Variants in TLCD3B observed in about 807,000 individuals in gnomAD.
TLCD3B encodes TLC domain containing 3B, also known as ceramide synthase.
In TLCD3B, 9 loss-of-function variants were observed where a neutral mutation model predicts 23.0. That is an observed-to-expected ratio of 0.39 (90% CI 0.24 to 0.68). The LOEUF is 0.68. TLCD3B is among the 30% of genes least tolerant of loss of function. The pLI is 0.44. For synonymous variants in TLCD3B, 161 were observed against 161.0 expected, an observed-to-expected ratio of 1.00 and a Z score of 0.00; for missense variants, 307 against 371.8, an observed-to-expected ratio of 0.83 and a Z score of 1.43.
intron 3 of TLCD3B, among the ~76,000 whole-genome samples, 181 bp downstream of exon 3, chr16:30,026,428 C>A (rs1480526320): frequency 2.0e-5 from 3 of 152,148 alleles, no homozygotes; most frequent in Non-Finnish European, 4.4e-5. Flanking sequence ...GCTGCCCCCA[C>A]ACCCTGGTGC....
In TLCD3B at chr16:30,029,923, CT is replaced by C; in HGVS notation, c.126-409del. 1 of 856,476 alleles carries C rather than the reference CT, an allele frequency of 1.2e-6. No individual in the cohort carries two copies. The highest frequency in any genetic ancestry group is 2.4e-5 in the Admixed American group (1 of 42,474). The allele number at this position is 856,476 out of a possible 1,614,324, so 53.1% of individuals were successfully genotyped here. The stretch of plus-strand genomic sequence containing the variant: ...CATGACGCAGGCCTCACTCTGGACC[CT>C]TTGTGACCCCGAGTTCCCCAGTCAC... On this transcript the variant is annotated intron_variant, in intron 1 of 4. Coordinates refer to ENST00000380495, the MANE Select transcript of TLCD3B (RefSeq NM_031478.6). The surrounding 1 kb of genome is among the most constrained non-coding windows in gnomAD (Gnocchi z 4.6).
upstream of TLCD3B, among the ~76,000 whole-genome samples, chr16:30,034,396 G>A (rs1399601410): frequency 2.4e-5 from 3 of 125,628 alleles, no homozygotes; most frequent in African/African-American, 9.7e-5. Context: ...AACATAGTGA[G>A]ACCCTGTCTC....
At position 30,025,065 on chromosome 16, in the gene TLCD3B, C is replaced by T. The variant is rs1596727669; in HGVS notation, c.*118G>A. The T allele has an allele frequency of 1.5e-6, 1 of 666,846 alleles. No homozygotes were observed. Among genetic ancestry groups the T allele is most frequent in the South Asian group, 2.3e-5 (1 of 43,952 alleles). 41.3% of individuals were successfully genotyped at this position (666,846 alleles called of 1,614,324 possible). On this transcript the variant is annotated 3_prime_UTR_variant, in exon 5 of 5. Coordinates refer to ENST00000380495, the MANE Select transcript of TLCD3B (RefSeq NM_031478.6). This position sits in a 1 kb window ranked among gnomAD's most constrained non-coding sequence, Gnocchi z 4.1. ...GGGGCCTCTTCCCTTTCGGGGTCAT[C>T]GTCAGTCCTGGGGTTGTCCGGGCAA...
upstream of TLCD3B, among the ~76,000 whole-genome samples, chr16:30,031,661 A>G (rs2071363530): frequency 6.6e-6 from 1 of 152,018 alleles, no homozygotes; most frequent in African/African-American, 2.4e-5. Context: ...AAAACATCTC[A>G]ACACAGCATC....
exon 3 of TLCD3B, chr16:30,041,049 A>T (rs1263092354): frequency 6.6e-6 from 1 of 152,140 alleles, no homozygotes; most frequent in Non-Finnish European, 1.5e-5. Flanking sequence ...AGCTGGTTAG[A>T]GTCAGGCCCG....
chr16:30,045,598 G>A (rs1281523128), intron 2 of TLCD3B, among the ~76,000 whole-genome samples: 2 of 137,606 alleles, frequency 1.5e-5, no homozygotes, highest in African/African-American at 2.7e-5. Flanking sequence ...GGTGAGTGGT[G>A]TGTGTGTTTG....
intron 2 of TLCD3B, among the ~76,000 whole-genome samples, chr16:30,042,862 G>A (rs2150995131): frequency 6.6e-6 from 1 of 152,172 alleles, no homozygotes; most frequent in Non-Finnish European, 1.5e-5. Flanking sequence ...GCTTTGGGAG[G>A]CCGAGGTGGG....
chr16:30,038,560 A>G (rs201307931), intron 3 of TLCD3B, among the ~76,000 whole-genome samples: 1 of 151,912 alleles, frequency 6.6e-6, no homozygotes, highest in Non-Finnish European at 1.5e-5. Context: ...GACCAGCCTG[A>G]CCAACATGGT....
At chr16:30,042,325 C>T (rs1004841623) in intron 2 of TLCD3B, among the ~76,000 whole-genome samples, 1 of 151,876 alleles carries the variant, frequency 6.6e-6, no homozygotes, top group Non-Finnish European at 1.5e-5. Flanking sequence ...TGCAATCTGC[C>T]CCCGCTGGGT....
chr16:30,040,360 TA>T (rs540362895), intron 3 of TLCD3B, among the ~76,000 whole-genome samples: 127 of 152,118 alleles, frequency 8.3e-4, no homozygotes, highest in African/African-American at 2.7e-3. Flanking sequence ...TGAAATACTT[TA>T]TATACATGTT....
chr16:30,039,415 G>T (rs956740035), intron 3 of TLCD3B, among the ~76,000 whole-genome samples: 1 of 151,790 alleles, frequency 6.6e-6, no homozygotes, highest in Non-Finnish European at 1.5e-5. Context: ...GAGCCACTGC[G>T]CCCGGCTTCT....
chr16:30,048,089 T>A (rs751949101), intron 1 of TLCD3B, among the ~76,000 whole-genome samples: 2 of 149,290 alleles, frequency 1.3e-5, no homozygotes, highest in Admixed American at 1.3e-4. Context: ...TTGCAGTGAG[T>A]CAAGATCGCA....
intron 3 of TLCD3B, among the ~76,000 whole-genome samples, chr16:30,040,147 A>AAAAAAAAATAT: frequency 2.1e-4 from 20 of 95,906 alleles, no homozygotes; most frequent in African/African-American, 6.9e-4. Context: ...AAAAAAAAAA[A>AAAAAAAAATAT]ATATATATAT....
At chr16:30,036,172 G>A (rs1425242493), upstream of TLCD3B, 1 of 1,288,642 alleles carries the variant, frequency 7.8e-7, no homozygotes, top group South Asian at 1.2e-5. Context: ...GGACAGGTTG[G>A]AAGACAGAAA....
At chr16:30,051,155 G>A (rs1358431830) in intron 1 of TLCD3B, among the ~76,000 whole-genome samples, 5 of 152,074 alleles carry the variant, frequency 3.3e-5, no homozygotes. Context: ...CAGCAACCTG[G>A]GAGGCCGAGG....
Position 30,030,775 on chromosome 16 carries a change from G to A in TLCD3B, c.-248C>T. ...GATGGGAGAAGGGGAGCAGGAGCAG[G>A]CCAGCGAGGGATGGGGAGAGGCAAA... On this transcript the variant is annotated 5_prime_UTR_variant, in exon 1 of 5. Coordinates refer to ENST00000380495, the MANE Select transcript of TLCD3B (RefSeq NM_031478.6). 1 of 1,223,204 alleles carries A rather than the reference G, an allele frequency of 8.2e-7. No homozygotes were observed. Among genetic ancestry groups the A allele is most frequent in the Non-Finnish European group, 1.0e-6 (1 of 980,344 alleles). 75.8% of individuals were successfully genotyped at this position (1,223,204 alleles called of 1,614,324 possible).
At chr16:30,036,106 C>T (rs2071467782), upstream of TLCD3B, 3 of 1,241,528 alleles carry the variant, frequency 2.4e-6, no homozygotes, top group Non-Finnish European at 3.1e-6. Flanking sequence ...TCTGCATGCC[C>T]CGCCCGCCGC....
chr16:30,041,962 C>T (rs931956268), intron 2 of TLCD3B, among the ~76,000 whole-genome samples: 1 of 152,096 alleles, frequency 6.6e-6, no homozygotes, highest in Non-Finnish European at 1.5e-5. Context: ...ACAAGCCAAG[C>T]GGGAAAAATC....
chr16:30,044,891 G>C (rs2071635584), intron 2 of TLCD3B, among the ~76,000 whole-genome samples: 1 of 151,722 alleles, frequency 6.6e-6, no homozygotes, highest in Non-Finnish European at 1.5e-5. Context: ...AAGGGTTCGA[G>C]ACCAGCCCCT....
Sources: allele counts gnomAD v4.1 joint callset (sites outside exome capture counted in the v4.1 genomes callset), GRCh38; gene constraint gnomAD v4.1.1; non-coding constraint Gnocchi (gnomAD v3.1); transcripts MANE v1.5; gene names NCBI Gene and HGNC (gene_info 2026-07-23, HGNC 2026-07-21).